Variants in NFAM1 observed in about 807,000 individuals in gnomAD.
NFAM1 encodes NFAT activation molecule 1.
NFAM1 carries 17 observed loss-of-function variants against 29.0 expected under a neutral mutation model. The ratio of observed to expected loss-of-function variants is 0.59; its 90% CI spans 0.40 to 0.88. The LOEUF is 0.88. Among genes scored for constraint, NFAM1 ranks in the 40% least tolerant of loss-of-function variants. The pLI is 0.00. For missense variants in NFAM1, 324 were observed against 344.6 expected (o/e 0.94, Z 0.47); for synonymous variants, 175 against 147.2 (o/e 1.19, Z -1.36).
chr22:42,413,754 C>T (rs985431423), intron 1 of NFAM1, among the ~76,000 whole-genome samples: 2 of 151,994 alleles, frequency 1.3e-5, no homozygotes, highest in Admixed American at 6.6e-5. Context: ...ACAATAATAA[C>T]AACAACAACA....
intron 1 of NFAM1, among the ~76,000 whole-genome samples, chr22:42,430,280 A>G (rs1385625755): frequency 8.6e-6 from 1 of 116,576 alleles, no homozygotes; most frequent in Admixed American, 9.0e-5. Context: ...TAAAAACAGG[A>G]CGGGCACAGT....
chr22:42,417,393 A>T (rs567203103), intron 1 of NFAM1, among the ~76,000 whole-genome samples: 59 of 152,320 alleles, frequency 3.9e-4, no homozygotes, highest in African/African-American at 1.4e-3. Context: ...TTTTCTGGTT[A>T]TTCTCCAGGT....
In NFAM1 at chr22:42,419,989, GGTTTT is replaced by G. The variant is rs1196308142; in HGVS notation, c.122-8258_122-8254del. ...CCTTTGAGTCTGTAATCCCACTCTT[GGTTTT>G]TTTTTTTTTTTTTTTTTTTTTTTTT... On this transcript the variant is annotated intron_variant, in intron 1 of 5. Coordinates refer to ENST00000329021, the MANE Select transcript of NFAM1 (RefSeq NM_145912.8). The surrounding 1 kb of genome is among the most constrained non-coding windows in gnomAD (Gnocchi z 4.5). Among the ~76,000 whole-genome samples the G allele has an allele frequency of 7.1e-3, 399 of 56,478 alleles. 6 individuals carry two copies. Among genetic ancestry groups the G allele is most frequent in the African/African-American group, 9.0e-3 (122 of 13,488 alleles). 37.1% of individuals were successfully genotyped at this position (56,478 alleles called of 152,430 possible).
intron 1 of NFAM1, among the ~76,000 whole-genome samples, chr22:42,420,622 C>G (rs1032677843): frequency 6.6e-6 from 1 of 151,732 alleles, no homozygotes; most frequent in Non-Finnish European, 1.5e-5. Flanking sequence ...AAAAATTAGC[C>G]GGGTATGGTG....
Position 42,388,793 on chromosome 22 carries a change from G to A in NFAM1, c.664-1715C>T, listed in dbSNP as rs1569225168. Reference sequence around the variant, plus strand: ...GCGGCCCTGAGGACGAGTTCAAGGGGTCTCTGAGCCAGAAACAGGCTGGGT... The same window carrying A: ...GCGGCCCTGAGGACGAGTTCAAGGGATCTCTGAGCCAGAAACAGGCTGGGT... On this transcript the variant is annotated intron_variant, in intron 4 of 5. Coordinates refer to ENST00000329021, the MANE Select transcript of NFAM1 (RefSeq NM_145912.8). This position sits in a 1 kb window ranked among gnomAD's most constrained non-coding sequence, Gnocchi z 4.1. Among the ~76,000 whole-genome samples, 1 of 152,196 alleles carries A rather than the reference G, an allele frequency of 6.6e-6. No homozygotes were observed. The highest frequency in any genetic ancestry group is 6.5e-5 in the Admixed American group (1 of 15,280).
rs1296552590 is a variant in NFAM1 at position 42,432,401 on chromosome 22, G to A, written c.-44C>T. On this transcript the variant is annotated 5_prime_UTR_variant, in exon 1 of 6. Transcript: ENST00000329021. ...GCGGCGACTCTTTAGTTCACAGGAG[G>A]GGACGGCCGGCGCTGACAGCTTCCC... 3.3e-6 allele frequency: 5 copies of A among 1,499,762 alleles called. No homozygotes were observed. Among genetic ancestry groups the A allele is most frequent in the Non-Finnish European group, 2.7e-6 (3 of 1,126,088 alleles). The allele number at this position is 1,499,762 out of a possible 1,614,324, so 92.9% of individuals were successfully genotyped here. A position where few individuals can be genotyped will look rare whatever the true frequency, so the allele number is the denominator to read the frequency against.
At position 42,432,381 on chromosome 22, in the gene NFAM1, G is replaced by C; in HGVS notation, c.-24C>G. 7 of 1,547,492 alleles carry C rather than the reference G, an allele frequency of 4.5e-6. No individual in the cohort carries two copies. Among genetic ancestry groups the C allele is most frequent in the Non-Finnish European group, 6.1e-6 (7 of 1,150,004 alleles). On this transcript the variant is annotated 5_prime_UTR_variant, in exon 1 of 6. Transcript: ENST00000329021. ...ATCTGGGGGCCTGCTTGTCTGCGGC[G>C]ACTCTTTAGTTCACAGGAGGGGACG... is the stretch of plus-strand genomic sequence containing the variant.
Position 42,404,014 on chromosome 22 carries a change from G to A in NFAM1, c.564+5421C>T, listed in dbSNP as rs140499616. On this transcript the variant is annotated intron_variant, in intron 3 of 5. Coordinates refer to ENST00000329021, the MANE Select transcript of NFAM1 (RefSeq NM_145912.8). ...GAAGGGCCTGCGGGCAGGGCTGACT[G>A]TGCCACCTGTGGGTCATCCATTCCT... is the stretch of plus-strand genomic sequence containing the variant. Among the ~76,000 whole-genome samples, 39 of 152,282 alleles carry A rather than the reference G, an allele frequency of 2.6e-4. 2 individuals carry two copies. The East Asian group carries it at 7.4e-3, about 29-fold the overall frequency.
In NFAM1 at chr22:42,409,620, C is replaced by A; in HGVS notation, c.452-73G>T. The A allele has an allele frequency of 1.5e-6, 1 of 661,850 alleles. No homozygotes were observed. Among genetic ancestry groups the A allele is most frequent in the East Asian group, 3.1e-5 (1 of 32,516 alleles). The allele number at this position is 661,850 out of a possible 1,614,324, so 41.0% of individuals were successfully genotyped here. A position where few individuals can be genotyped will look rare whatever the true frequency, so the allele number is the denominator to read the frequency against. ...GCGGGGCACACACACCTGATGTTCT[C>A]CCTCACTCAGGACCCTGTTTTCAAT... On this transcript the variant is annotated intron_variant, in intron 2 of 5. Coordinates refer to ENST00000329021, the MANE Select transcript of NFAM1 (RefSeq NM_145912.8). The surrounding 1 kb of genome is among the most constrained non-coding windows in gnomAD (Gnocchi z 4.9).
intron 4 of NFAM1, among the ~76,000 whole-genome samples, chr22:42,394,376 A>C (rs904670818): frequency 6.6e-6 from 1 of 151,766 alleles, no homozygotes; most frequent in Non-Finnish European, 1.5e-5. Context: ...TTAAAAAAAA[A>C]TTTTAATGGG....
chr22:42,402,574 T>C (rs1929758375), intron 3 of NFAM1, among the ~76,000 whole-genome samples: 1 of 152,142 alleles, frequency 6.6e-6, no homozygotes, highest in South Asian at 2.1e-4. Flanking sequence ...GGAGGGCATG[T>C]TGTCCTGGTA....
At chr22:42,399,892 G>T (rs926219500) in intron 3 of NFAM1, among the ~76,000 whole-genome samples, 1 of 152,212 alleles carries the variant, frequency 6.6e-6, no homozygotes, top group Non-Finnish European at 1.5e-5. Context: ...TACTTAACTC[G>T]CAGGCAGAAG....
chr22:42,383,566 G>C lies in NFAM1; in HGVS notation c.*1595C>G, dbSNP rs1284386268. 1 of 152,716 alleles carries C rather than the reference G, an allele frequency of 6.5e-6. No homozygotes were observed. The highest frequency in any genetic ancestry group is 1.5e-5 in the Non-Finnish European group (1 of 68,070). The allele number at this position is 152,716 out of a possible 1,614,324, so 9.5% of individuals were successfully genotyped here. A position where few individuals can be genotyped will look rare whatever the true frequency, so the allele number is the denominator to read the frequency against. The stretch of plus-strand genomic sequence containing the variant: ...CCACTGGCTGTCCTGTGGGACCAGA[G>C]AAGTCTGGTGCCACCCTAGCAGGGC... On this transcript the variant is annotated 3_prime_UTR_variant, in exon 6 of 6. Transcript: ENST00000329021.
At chr22:42,432,554 A>C (rs1930847033), upstream of NFAM1, 1 of 265,310 alleles carries the variant, frequency 3.8e-6, no homozygotes, top group Non-Finnish European at 5.8e-6. Flanking sequence ...AGGCCACACA[A>C]CCAGAAGAAG....
intron 1 of NFAM1, among the ~76,000 whole-genome samples, chr22:42,426,572 C>T (rs1930629585): frequency 6.6e-6 from 1 of 152,218 alleles, no homozygotes. Flanking sequence ...AGAACCGGCT[C>T]AGGTGGGGCC....
At chr22:42,433,743 G>A (rs138241665), upstream of NFAM1, among the ~76,000 whole-genome samples, 492 of 152,212 alleles carry the variant, frequency 3.2e-3, 4 homozygotes, top group African/African-American at 0.011. Flanking sequence ...GGGGGCAGGC[G>A]GGGACCCCAG....
In NFAM1 at chr22:42,411,818, C is replaced by T. The variant is rs1930104842; in HGVS notation, c.122-82G>A. 6 of 952,208 alleles carry T rather than the reference C, an allele frequency of 6.3e-6. No homozygotes were observed. The South Asian group carries it at 7.4e-5, about 12-fold the overall frequency. The allele number at this position is 952,208 out of a possible 1,614,324, so 59.0% of individuals were successfully genotyped here. ...CCCACTTGCCTGTTAAGGCTCACGA[C>T]CGGGTGCGGTGGCTCACACCTGTAA... On this transcript the variant is annotated intron_variant, in intron 1 of 5. Coordinates refer to ENST00000329021, the MANE Select transcript of NFAM1 (RefSeq NM_145912.8).
At chr22:42,395,287 A>ATTTCT (rs1432119308) in intron 4 of NFAM1, among the ~76,000 whole-genome samples, 1 of 152,044 alleles carries the variant, frequency 6.6e-6, no homozygotes, top group Non-Finnish European at 1.5e-5. Context: ...CAGCCTGGCC[A>ATTTCT]ACATGGCAAA....
Position 42,412,634 on chromosome 22 carries a change from A to C in NFAM1, c.122-898T>G, listed in dbSNP as rs1329975115. Reference sequence around the variant, plus strand: ...AAGAAGGAGGCAGGAAAACAAAATAAAGAAACCCAAGCGTTTCCTGGCGGT... The same window carrying C: ...AAGAAGGAGGCAGGAAAACAAAATACAGAAACCCAAGCGTTTCCTGGCGGT... On this transcript the variant is annotated intron_variant, in intron 1 of 5. Transcript: ENST00000329021. Among the ~76,000 whole-genome samples the C allele has an allele frequency of 2.0e-5, 3 of 152,164 alleles. No homozygotes were observed. In the East Asian group the frequency reaches 5.8e-4, roughly 29 times the overall value.
Sources: allele counts gnomAD v4.1 joint callset (sites outside exome capture counted in the v4.1 genomes callset), GRCh38; gene constraint gnomAD v4.1.1; non-coding constraint Gnocchi (gnomAD v3.1); transcripts MANE v1.5; gene names NCBI Gene and HGNC (gene_info 2026-07-23, HGNC 2026-07-21).